Variants in ODAD2 observed in about 807,000 individuals in gnomAD.
ODAD2 encodes outer dynein arm-docking complex subunit 2.
In ODAD2, 89 loss-of-function variants were observed where a neutral mutation model predicts 106.8. That is an observed-to-expected ratio of 0.83 (90% CI 0.70 to 0.99). The LOEUF is 0.99. ODAD2 is among the 50% of genes least tolerant of loss of function. ODAD2 has a pLI of 0.00. For synonymous variants in ODAD2, 404 were observed against 436.2 expected (o/e 0.93, Z 0.92); for missense variants, 1,168 against 1,238.5 (o/e 0.94, Z 0.85).
intron 10 of ODAD2, among the ~76,000 whole-genome samples, chr10:27,960,950 C>G (rs990166237): frequency 6.6e-6 from 1 of 152,090 alleles, no homozygotes; most frequent in African/African-American, 2.4e-5. Flanking sequence ...TTCCCCTTGC[C>G]CTCCTGCAAA....
intron 7 of ODAD2, among the ~76,000 whole-genome samples, 196 bp downstream of exon 7, chr10:27,981,270 T>C (rs1849526661): frequency 6.6e-6 from 1 of 152,168 alleles, no homozygotes; most frequent in Non-Finnish European, 1.5e-5. Flanking sequence ...ACATTGTGAA[T>C]GTAATTAATG....
chr10:27,939,953 T>G lies in ODAD2; in HGVS notation c.2041A>C (p.Asn681His). 6.2e-7 allele frequency: 1 copy of G among 1,611,596 alleles called. No individual in the cohort carries two copies. The highest frequency in any genetic ancestry group is 8.5e-7 in the Non-Finnish European group (1 of 1,178,990). Residue 681 changes from asparagine (N) to histidine (H), a missense_variant, in exon 14 of 20, where the codon AAC becomes CAC. Physicochemically the swap from Asn to His is moderately conservative, Grantham distance 68 (BLOSUM62 1). This residue lies in a region of ODAD2 where 701 missense variants were observed against 712.3 expected (regional missense o/e 0.98). Coordinates refer to ENST00000305242, the MANE Select transcript of ODAD2 (RefSeq NM_018076.5). ...AERIIENLVKNLNSENEQLQE... is the reference protein window; with the variant it reads ...AERIIENLVKHLNSENEQLQE... ...AGCTGCTCATTCTCACTATTTAGGT[T>G]CTTGACAAGGTTTTCAATGATCCTT...
intron 16 of ODAD2, among the ~76,000 whole-genome samples, chr10:27,923,988 A>AG (rs1445936414): frequency 7.7e-6 from 1 of 130,454 alleles, no homozygotes; most frequent in African/African-American, 3.6e-5. Context: ...GAAAGAAAGA[A>AG]AGAAAGAAAG....
At chr10:27,949,962 G>A (rs752214409) in intron 10 of ODAD2, among the ~76,000 whole-genome samples, 15 of 152,278 alleles carry the variant, frequency 9.9e-5, no homozygotes, top group Non-Finnish European at 1.6e-4. Flanking sequence ...ATCATTTGAA[G>A]TTATTATCAG....
rs909378916 is a variant in ODAD2, at chr10:27,812,731, A to G, written c.3022-106T>C. 2.1e-6 allele frequency: 3 copies of G among 1,403,736 alleles called. No homozygotes were observed. The African/African-American group carries it at 4.5e-5, about 21-fold the overall frequency. 87.0% of individuals were successfully genotyped at this position (1,403,736 alleles called of 1,614,324 possible). ...ATTTTCAATAGTAAATTTTTTTAAA[A>G]CCACCAAAAAAGCATAAGAAATTCC... On this transcript the variant is annotated intron_variant, in intron 19 of 19. Transcript: ENST00000305242.
intron 17 of ODAD2, among the ~76,000 whole-genome samples, chr10:27,874,406 G>A (rs1437010619): frequency 7.2e-5 from 11 of 152,162 alleles, no homozygotes; most frequent in Admixed American, 3.9e-4. Context: ...TGTGATGTTA[G>A]CTGGTTCTTT....
intron 7 of ODAD2, among the ~76,000 whole-genome samples, chr10:27,973,694 C>T (rs1003663139): frequency 2.0e-5 from 3 of 152,060 alleles, no homozygotes; most frequent in Admixed American, 1.3e-4. Flanking sequence ...CACTGATGGC[C>T]ATTTAGGTTG....
At chr10:27,956,864 T>C (rs1230390912) in intron 10 of ODAD2, among the ~76,000 whole-genome samples, 2 of 152,218 alleles carry the variant, frequency 1.3e-5, no homozygotes, top group African/African-American at 2.4e-5. Context: ...TACTGAAGAA[T>C]ACCCATTTGC....
chr10:27,934,170 G>A (rs547570855), intron 16 of ODAD2, among the ~76,000 whole-genome samples: 2 of 152,092 alleles, frequency 1.3e-5, no homozygotes, highest in Admixed American at 6.6e-5. Context: ...TAATTATGAG[G>A]CCTCCCAGCC....
At chr10:27,875,257 T>C (rs933840981) in intron 17 of ODAD2, among the ~76,000 whole-genome samples, 15 of 152,226 alleles carry the variant, frequency 9.9e-5, no homozygotes, top group African/African-American at 3.6e-4. Context: ...GCCCTTCATC[T>C]AATCTTTTTT....
chr10:27,820,225 C>T (rs1452959080), intron 19 of ODAD2, among the ~76,000 whole-genome samples: 2 of 152,092 alleles, frequency 1.3e-5, no homozygotes, highest in Non-Finnish European at 2.9e-5. Flanking sequence ...TGGCTGCTGC[C>T]ACCCTGTACG....
chr10:27,832,828 A>G (rs1837586700), intron 19 of ODAD2, among the ~76,000 whole-genome samples: 1 of 152,190 alleles, frequency 6.6e-6, no homozygotes, highest in African/African-American at 2.4e-5. Flanking sequence ...TTAGAACTAA[A>G]CATCTCTTTT....
intron 19 of ODAD2, among the ~76,000 whole-genome samples, chr10:27,830,325 C>G (rs986904050): frequency 6.6e-6 from 1 of 152,192 alleles, no homozygotes; most frequent in African/African-American, 2.4e-5. Flanking sequence ...TGCACTTACT[C>G]TTCTAACAAT....
intron 19 of ODAD2, among the ~76,000 whole-genome samples, chr10:27,818,908 G>C (rs556143671): frequency 1.3e-5 from 2 of 152,252 alleles, no homozygotes; most frequent in Non-Finnish European, 2.9e-5. Context: ...AAGGGTATGG[G>C]TTTTGAGGTC....
intron 16 of ODAD2, among the ~76,000 whole-genome samples, chr10:27,921,824 G>C (rs151254850): frequency 0.017 from 2,441 of 145,594 alleles, 37 homozygotes; most frequent in Non-Finnish European, 0.026. Context: ...CAAGGCAATA[G>C]AGCAGTATTT....
At chr10:27,854,711 G>A (rs759249115) in intron 19 of ODAD2, among the ~76,000 whole-genome samples, 12 of 152,038 alleles carry the variant, frequency 7.9e-5, no homozygotes, top group East Asian at 3.9e-4. Flanking sequence ...AGCCCAGATC[G>A]CGCCACTGAA....
chr10:27,862,345 G>T (rs1840107018), intron 18 of ODAD2, 89 bp downstream of exon 18: 4 of 1,058,542 alleles, frequency 3.8e-6, no homozygotes, highest in Non-Finnish European at 5.3e-6. Flanking sequence ...TTGAATCCAG[G>T]TTTCTGGACT....
At chr10:27,816,216 T>C (rs1836123058) in intron 19 of ODAD2, among the ~76,000 whole-genome samples, 2 of 152,348 alleles carry the variant, frequency 1.3e-5, no homozygotes, top group South Asian at 4.1e-4. Context: ...CCCTGTCTGA[T>C]GAACTATTCA....
chr10:27,935,440 T>C (rs1382786748), intron 15 of ODAD2, among the ~76,000 whole-genome samples, 188 bp from the exon 16 acceptor site: 1 of 152,156 alleles, frequency 6.6e-6, no homozygotes, highest in Non-Finnish European at 1.5e-5. Context: ...GCTCCAGACC[T>C]GCACCCTTAA....
Sources: allele counts gnomAD v4.1 joint callset (sites outside exome capture counted in the v4.1 genomes callset), GRCh38; gene constraint gnomAD v4.1.1; regional missense constraint gnomAD v4.1.1; transcripts MANE v1.5; gene names NCBI Gene and HGNC (gene_info 2026-07-23, HGNC 2026-07-21).